FAF1: variants seen among roughly 807,000 people sequenced by gnomAD.
FAF1 encodes Fas associated factor 1, also known as FAS-associated factor 1.
Under a neutral mutation model 92.5 loss-of-function variants are expected in FAF1, and 25 were observed. That is an observed-to-expected ratio of 0.27 (90% CI 0.20 to 0.38). The LOEUF is 0.38. Among genes scored for constraint, FAF1 ranks in the 10% least tolerant of loss-of-function variants. FAF1 has a pLI of 1.00. For synonymous variants in FAF1, 234 were observed against 273.2 expected, an observed-to-expected ratio of 0.86 and a Z score of 1.42; for missense variants, 636 against 793.3, an observed-to-expected ratio of 0.80 and a Z score of 2.38.
chr1:50,951,964 T>C (rs1645217321), intron 1 of FAF1, among the ~76,000 whole-genome samples: 1 of 152,218 alleles, frequency 6.6e-6, no homozygotes, highest in Non-Finnish European at 1.5e-5. Context: ...CAGAAACTAC[T>C]TATGTGTCAC....
Position 50,960,260 on chromosome 1 carries a change from C to CT in FAF1, c.-450_-449insA. On this transcript the variant is annotated 5_prime_UTR_variant, in exon 1 of 19. Coordinates refer to ENST00000396153, the MANE Select transcript of FAF1 (RefSeq NM_007051.3). ...CTTCCTCCCTGGCCGCCGCCTCCGC[C>CT]CCTGGTTGGCCAGCGCCACGGCTGT... is the stretch of plus-strand genomic sequence containing the variant. 1 of 330,842 alleles carries CT rather than the reference C, an allele frequency of 3.0e-6. No homozygotes were observed. The highest frequency in any genetic ancestry group is 5.5e-6 in the Non-Finnish European group (1 of 181,632). The allele number at this position is 330,842 out of a possible 1,614,324, so 20.5% of individuals were successfully genotyped here. A position where few individuals can be genotyped will look rare whatever the true frequency, so the allele number is the denominator to read the frequency against.
intron 1 of FAF1, among the ~76,000 whole-genome samples, chr1:50,901,748 C>T (rs72904749): frequency 0.12 from 17,681 of 151,828 alleles, 1,252 homozygotes; most frequent in African/African-American, 0.2. Context: ...GCTTGAGGTC[C>T]CAGCTACTAG....
chr1:50,565,836 A>G (rs1258074169), intron 13 of FAF1, among the ~76,000 whole-genome samples: 3 of 152,178 alleles, frequency 2.0e-5, no homozygotes, highest in Non-Finnish European at 1.5e-5. Flanking sequence ...GTTGTGGATA[A>G]AAGGAAAGGA....
intron 8 of FAF1, among the ~76,000 whole-genome samples, chr1:50,621,891 C>G (rs1341090874): frequency 6.6e-6 from 1 of 152,146 alleles, no homozygotes; most frequent in African/African-American, 2.4e-5. Flanking sequence ...GCTGGCCAGG[C>G]ACAGTGGCTC....
At chr1:50,580,743 T>C (rs1346764078) in intron 12 of FAF1, among the ~76,000 whole-genome samples, 2 of 152,190 alleles carry the variant, frequency 1.3e-5, no homozygotes, top group Non-Finnish European at 2.9e-5. Context: ...AGTTAATCTG[T>C]GTTAGAATAC....
chr1:50,609,202 T>C (rs1328937023), intron 8 of FAF1, among the ~76,000 whole-genome samples: 1 of 152,224 alleles, frequency 6.6e-6, no homozygotes, highest in Non-Finnish European at 1.5e-5. Context: ...GTGAATAAAG[T>C]ATAGATCATG....
intron 4 of FAF1, among the ~76,000 whole-genome samples, chr1:50,754,770 T>TTCCAAA (rs1660008370): frequency 6.6e-6 from 1 of 152,116 alleles, no homozygotes; most frequent in Non-Finnish European, 1.5e-5. Flanking sequence ...GGACTTACAG[T>TTCCAAA]TCCAAATGGT....
chr1:50,685,438 T>G (rs1369215594), intron 7 of FAF1, among the ~76,000 whole-genome samples: 1 of 152,158 alleles, frequency 6.6e-6, no homozygotes, highest in Non-Finnish European at 1.5e-5. Context: ...TAGTATAGTA[T>G]AGTTAATGGA....
chr1:50,582,297 CT>C (rs1434985564), intron 12 of FAF1: 7 of 253,652 alleles, frequency 2.8e-5, no homozygotes, highest in African/African-American at 4.4e-5. Flanking sequence ...AGCAGTACCC[CT>C]ATCACATTAA....
chr1:50,918,020 A>G (rs1429105997), intron 1 of FAF1, among the ~76,000 whole-genome samples: 1 of 152,112 alleles, frequency 6.6e-6, no homozygotes, highest in Non-Finnish European at 1.5e-5. Flanking sequence ...GATTGAGACT[A>G]TGAAGAAACC....
chr1:50,795,427 C>T (rs1417588313), intron 3 of FAF1, among the ~76,000 whole-genome samples: 1 of 152,166 alleles, frequency 6.6e-6, no homozygotes, highest in Non-Finnish European at 1.5e-5. Flanking sequence ...TGTTTCACAG[C>T]AAAAGAAGTG....
At chr1:50,500,363 A>C (rs1327641600) in intron 15 of FAF1, among the ~76,000 whole-genome samples, 1 of 152,216 alleles carries the variant, frequency 6.6e-6, no homozygotes. Flanking sequence ...CTATGCATAT[A>C]TGATCAACAC....
intron 1 of FAF1, among the ~76,000 whole-genome samples, chr1:50,874,541 C>T (rs1271871004): frequency 2.0e-5 from 3 of 151,844 alleles, no homozygotes; most frequent in African/African-American, 7.3e-5. Flanking sequence ...CTTTACTTTT[C>T]GTAGAAATGG....
intron 3 of FAF1, among the ~76,000 whole-genome samples, chr1:50,798,314 G>C (rs1169246720): frequency 6.6e-6 from 1 of 152,154 alleles, no homozygotes; most frequent in Non-Finnish European, 1.5e-5. Context: ...TTGTACACCT[G>C]TCTGGGTAAT....
chr1:50,875,969 T>C (rs1644567986), intron 1 of FAF1, among the ~76,000 whole-genome samples: 1 of 152,238 alleles, frequency 6.6e-6, no homozygotes, highest in South Asian at 2.1e-4. Flanking sequence ...TGTGTTTTTG[T>C]GTTTTAACAA....
chr1:50,950,816 T>C (rs1350520111), intron 1 of FAF1, among the ~76,000 whole-genome samples: 1 of 152,244 alleles, frequency 6.6e-6, no homozygotes. Flanking sequence ...CACTGCTAAT[T>C]TATTTTATAC....
At chr1:50,454,309 TTCC>T (rs1289193582) in intron 18 of FAF1, among the ~76,000 whole-genome samples, 2 of 152,232 alleles carry the variant, frequency 1.3e-5, no homozygotes, top group Non-Finnish European at 2.9e-5. Context: ...GCTATGTTGT[TTCC>T]TCCACCTAGA....
intron 7 of FAF1, among the ~76,000 whole-genome samples, chr1:50,693,115 CCTAA>C (rs1488003931): frequency 2.6e-5 from 4 of 152,276 alleles, no homozygotes; most frequent in South Asian, 4.1e-4. Flanking sequence ...GTTTTAGTGT[CCTAA>C]CTGAGAAACC....
intron 3 of FAF1, among the ~76,000 whole-genome samples, chr1:50,795,896 C>T (rs1406928289): frequency 6.6e-6 from 1 of 152,042 alleles, no homozygotes; most frequent in Admixed American, 6.6e-5. Flanking sequence ...AAAAATTGGG[C>T]TGCTGCTACA....
Sources: allele counts gnomAD v4.1 joint callset (sites outside exome capture counted in the v4.1 genomes callset), GRCh38; gene constraint gnomAD v4.1.1; transcripts MANE v1.5; gene names NCBI Gene and HGNC (gene_info 2026-07-23, HGNC 2026-07-21).